The following DCPS variants were observed in gnomAD, a reference collection of about 807,000 sequenced individuals.
DCPS encodes the protein decapping enzyme, scavenger.
A neutral mutation model predicts 34.7 loss-of-function variants in DCPS; 27 were observed. The ratio of observed to expected loss-of-function variants is 0.78; its 90% CI spans 0.57 to 1.07. The LOEUF (loss-of-function observed/expected upper bound fraction) is 1.07. Ranked by LOEUF, DCPS falls within the 50% of genes least tolerant of loss-of-function variation. The pLI is 0.00. For missense variants in DCPS, 464 were observed against 436.9 expected (o/e 1.06, Z -0.55); for synonymous variants, 185 against 185.7 (o/e 1.00, Z 0.03).
intron 1 of DCPS, among the ~76,000 whole-genome samples, chr11:126,304,864 C>G (rs1951550306): frequency 6.6e-6 from 1 of 152,178 alleles, no homozygotes; most frequent in South Asian, 2.1e-4. Flanking sequence ...ACAGCTTGCT[C>G]CAATACCAAC....
intron 1 of DCPS, 101 bp downstream of exon 1, chr11:126,304,382 A>G (rs1203037943): frequency 9.6e-6 from 13 of 1,359,570 alleles, no homozygotes; most frequent in African/African-American, 2.9e-5. Context: ...GAAAATACCA[A>G]TCATTATCAC....
In DCPS at chr11:126,346,291, T is replaced by TA. The variant is rs1011336403; in HGVS notation, c.*679dup. Among the ~76,000 whole-genome samples, 2 of 152,190 alleles carry TA rather than the reference T, an allele frequency of 1.3e-5. No homozygotes were observed. The highest frequency in any genetic ancestry group is 2.9e-5 in the Non-Finnish European group (2 of 68,036). On this transcript the variant is annotated 3_prime_UTR_variant, in exon 6 of 6. Transcript: ENST00000263579. This position sits in a 1 kb window ranked among gnomAD's most constrained non-coding sequence, Gnocchi z 4.1. ...CAGCGAGTCCCCAGCCTTGAGTTTT[T>TA]ATCTCGGCAGGAAGACAAAACAGAC...
At position 126,346,786 on chromosome 11, in the gene DCPS, A is replaced by G. The variant is rs994760150; in HGVS notation, c.*1173A>G. Among the ~76,000 whole-genome samples, 2 of 152,182 alleles carry G rather than the reference A, an allele frequency of 1.3e-5. No homozygotes were observed. Among genetic ancestry groups the G allele is most frequent in the African/African-American group, 2.4e-5 (1 of 41,440 alleles). On this transcript the variant is annotated 3_prime_UTR_variant, in exon 6 of 6. Coordinates refer to ENST00000263579, the MANE Select transcript of DCPS (RefSeq NM_014026.6). This position sits in a 1 kb window ranked among gnomAD's most constrained non-coding sequence, Gnocchi z 4.1. Reference sequence around the variant, plus strand: ...GAGAACCAGGAAGCCTCATTCAGAGATTAGCCCCTTTACTGCAGGTGGTAG... The same window carrying G: ...GAGAACCAGGAAGCCTCATTCAGAGGTTAGCCCCTTTACTGCAGGTGGTAG...
intron 2 of DCPS, among the ~76,000 whole-genome samples, chr11:126,330,704 TATATATATATATATA>T (rs1212466375): frequency 1.5e-4 from 4 of 27,334 alleles, no homozygotes; most frequent in Non-Finnish European, 2.8e-4. Flanking sequence ...TATATATATA[TATATATATATATATA>T]TTTTTTTTTT....
intron 2 of DCPS, among the ~76,000 whole-genome samples, chr11:126,324,611 C>A (rs1951727770): frequency 6.8e-6 from 1 of 147,958 alleles, no homozygotes; most frequent in African/African-American, 2.5e-5. Context: ...CACCACCATG[C>A]CTAGCTAATT....
Position 126,323,473 on chromosome 11 carries a change from G to A in DCPS, c.377-7932G>A, listed in dbSNP as rs2135320586. 6.6e-6 allele frequency among the ~76,000 whole-genome samples: 1 copy of A among 152,116 alleles called. No homozygotes were observed. The highest frequency in any genetic ancestry group is 1.9e-4 in the East Asian group (1 of 5,200). On this transcript the variant is annotated intron_variant, in intron 2 of 5. Transcript: ENST00000263579. This position sits in a 1 kb window ranked among gnomAD's most constrained non-coding sequence, Gnocchi z 4.4. ...TGGTTAAAAAAATACACATGATGCA[G>A]AAAGTTCTTTGAACAAGTAAGGCAT... is the stretch of plus-strand genomic sequence containing the variant.
At chr11:126,318,439 C>T (rs1013297325) in intron 2 of DCPS, among the ~76,000 whole-genome samples, 4 of 152,352 alleles carry the variant, frequency 2.6e-5, no homozygotes, top group South Asian at 2.1e-4. Flanking sequence ...CTGGTCTCCC[C>T]GTTACCATGC....
rs747703545 is a variant in DCPS at position 126,348,999 on chromosome 11, G to A, written c.*3386G>A. Among the ~76,000 whole-genome samples the A allele has an allele frequency of 6.6e-6, 1 of 152,184 alleles. No homozygotes were observed. The highest frequency in any genetic ancestry group is 2.1e-4 in the South Asian group (1 of 4,824). ...CCATTTCCCCAGAACCTAGGGTGGTGACTCACCTATAAGTGCTCAAAAAAC... is the reference window on the plus strand; with the variant it reads ...CCATTTCCCCAGAACCTAGGGTGGTAACTCACCTATAAGTGCTCAAAAAAC... On this transcript the variant is annotated 3_prime_UTR_variant, in exon 6 of 6. Transcript: ENST00000263579. This position sits in a 1 kb window ranked among gnomAD's most constrained non-coding sequence, Gnocchi z 5.3.
rs1289643970 is a variant in DCPS at position 126,320,341 on chromosome 11, C to T, written c.377-11064C>T. Reference sequence around the variant, plus strand: ...TCTTAAAGAACAAGCAAGTATGTCACGTGGCAACAAACAGCAAAGATTGAA... The same window carrying T: ...TCTTAAAGAACAAGCAAGTATGTCATGTGGCAACAAACAGCAAAGATTGAA... On this transcript the variant is annotated intron_variant, in intron 2 of 5. Transcript: ENST00000263579. This position sits in a 1 kb window ranked among gnomAD's most constrained non-coding sequence, Gnocchi z 4.7. 6.6e-6 allele frequency among the ~76,000 whole-genome samples: 1 copy of T among 152,110 alleles called. No homozygotes were observed. The highest frequency in any genetic ancestry group is 1.5e-5 in the Non-Finnish European group (1 of 68,034).
chr11:126,343,304 C>T lies in DCPS; in HGVS notation c.637-3C>T. On this transcript the variant is annotated splice_polypyrimidine_tract_variant and splice_region_variant and intron_variant, in intron 4 of 5. Coordinates refer to ENST00000263579, the MANE Select transcript of DCPS (RefSeq NM_014026.6). The stretch of plus-strand genomic sequence containing the variant: ...GCCTGGTCTCCCCTTGCTCTCTACG[C>T]AGCTCGATGACTTGTACTTGATCGC... The T allele has an allele frequency of 1.2e-6, 2 of 1,612,222 alleles. No homozygotes were observed. Among genetic ancestry groups the T allele is most frequent in the Non-Finnish European group, 8.5e-7 (1 of 1,179,128 alleles).
chr11:126,306,570 G>A lies in DCPS; in HGVS notation c.202G>A (p.Val68Met), dbSNP rs1284970778. The change falls in exon 2 of 6, where the codon GTG (valine) becomes ATG (methionine). Residue 68 changes from valine to methionine, a missense_variant and splice_region_variant. Transcript: ENST00000263579. ...RDKIIFLHGK[V>M]NEASGDGDGE... ...CCACTGATGATGCCTCTGCCCACAGGTGAATGAGGCCTCTGGGGATGGGGA... is the reference window on the plus strand; with the variant it reads ...CCACTGATGATGCCTCTGCCCACAGATGAATGAGGCCTCTGGGGATGGGGA... 5 of 1,603,176 alleles carry A rather than the reference G, an allele frequency of 3.1e-6. No homozygotes were observed. The highest frequency in any genetic ancestry group is 1.1e-5 in the South Asian group (1 of 90,426).
chr11:126,326,719 C>T lies in DCPS; in HGVS notation c.377-4686C>T, dbSNP rs541617897. Among the ~76,000 whole-genome samples, 5 of 152,222 alleles carry T rather than the reference C, an allele frequency of 3.3e-5. No individual in the cohort carries two copies. The East Asian group carries it at 7.7e-4, about 24-fold the overall frequency. On this transcript the variant is annotated intron_variant, in intron 2 of 5. Coordinates refer to ENST00000263579, the MANE Select transcript of DCPS (RefSeq NM_014026.6). ...CATGTGGATCACGAAGTCAGGAGAT[C>T]GAGACCATCCTGGCTAACACGGTGA...
rs778831599 is a variant in DCPS at position 126,331,439 on chromosome 11, G to A, written c.411G>A (p.Glu137=). 19 of 1,614,058 alleles carry A rather than the reference G, an allele frequency of 1.2e-5. No homozygotes were observed. The South Asian group carries it at 1.9e-4, about 16-fold the overall frequency. ...CGACCGTGGTTTACCCTGCCACAGA[G>A]AAACACCTGCAGAAGTACCTGCGCC... ...VKTTVVYPAT[E]KHLQKYLRQD... The change falls in exon 3 of 6, where the codon GAG becomes GAA. Residue 137 remains glutamate, a synonymous_variant. Coordinates refer to ENST00000263579, the MANE Select transcript of DCPS (RefSeq NM_014026.6). The surrounding 1 kb of genome is among the most constrained non-coding windows in gnomAD (Gnocchi z 7.2).
Position 126,333,972 on chromosome 11 carries a change from T to C in DCPS, c.522+2422T>C, listed in dbSNP as rs1361638479. 6.6e-6 allele frequency among the ~76,000 whole-genome samples: 1 copy of C among 152,078 alleles called. No homozygotes were observed. The highest frequency in any genetic ancestry group is 2.1e-4 in the South Asian group (1 of 4,824). On this transcript the variant is annotated intron_variant, in intron 3 of 5. Transcript: ENST00000263579. The surrounding 1 kb of genome is among the most constrained non-coding windows in gnomAD (Gnocchi z 5.7). ...CCCTAAACGGTTTTAAGCATGTGGATGATATGGCCCGATTTGCAGAATTAA... is the reference window on the plus strand; with the variant it reads ...CCCTAAACGGTTTTAAGCATGTGGACGATATGGCCCGATTTGCAGAATTAA...
chr11:126,343,603 C>T (rs1407753378), intron 5 of DCPS, among the ~76,000 whole-genome samples, 186 bp downstream of exon 5: 1 of 152,134 alleles, frequency 6.6e-6, no homozygotes, highest in Non-Finnish European at 1.5e-5. Flanking sequence ...CCTGGTCCTG[C>T]CACCTTTCCT....
chr11:126,309,549 A>T (rs1220906322), intron 2 of DCPS, among the ~76,000 whole-genome samples: 2 of 152,218 alleles, frequency 1.3e-5, no homozygotes, highest in African/African-American at 4.8e-5. Context: ...TATTCAATAC[A>T]GACGCAATGT....
At chr11:126,306,485 A>T in intron 1 of DCPS, 85 bp from the exon 2 acceptor site, 1 of 1,372,184 alleles carries the variant, frequency 7.3e-7, no homozygotes, top group Non-Finnish European at 9.6e-7. Context: ...TTGGGAATTC[A>T]AAGGCCCTGG....
In DCPS at chr11:126,331,317, AGGGT is replaced by A. The variant is rs1951789340; in HGVS notation, c.377-84_377-81del. 1 of 1,546,142 alleles carries A rather than the reference AGGGT, an allele frequency of 6.5e-7. No individual in the cohort carries two copies. On this transcript the variant is annotated intron_variant, in intron 2 of 5. Transcript: ENST00000263579. The surrounding 1 kb of genome is among the most constrained non-coding windows in gnomAD (Gnocchi z 7.2). Reference sequence around the variant, plus strand: ...TGGCTTCCCTCAGGGAATCAAAGCCAGGGTGGGAGTTCTCTCCTCACCGTGGTGC... The same window carrying A: ...TGGCTTCCCTCAGGGAATCAAAGCCAGGGAGTTCTCTCCTCACCGTGGTGC...
rs1951636117 is a variant in DCPS, at chr11:126,313,763, G to A, written c.376+7019G>A. Among the ~76,000 whole-genome samples, 1 of 152,068 alleles carries A rather than the reference G, an allele frequency of 6.6e-6. No individual in the cohort carries two copies. Among genetic ancestry groups the A allele is most frequent in the African/African-American group, 2.4e-5 (1 of 41,402 alleles). On this transcript the variant is annotated intron_variant, in intron 2 of 5. Transcript: ENST00000263579. The surrounding 1 kb of genome is among the most constrained non-coding windows in gnomAD (Gnocchi z 4.9). The stretch of plus-strand genomic sequence containing the variant: ...GACAGAGAGAATGTTAAAATTTCTG[G>A]TTATATTCTGTTTCTTGGATTGTGT...
Sources: gnomAD v4.1 joint callset for allele counts (sites outside exome capture counted in the v4.1 genomes callset) on GRCh38, gnomAD v4.1.1 for gene constraint, Gnocchi (gnomAD v3.1) non-coding constraint, MANE v1.5 for transcripts, NCBI Gene and HGNC (gene_info 2026-07-23, HGNC 2026-07-21) for gene names.